The following MAP2 variants were observed in gnomAD, a reference collection of about 807,000 sequenced individuals.
MAP2 encodes the protein microtubule associated protein 2.
MAP2 carries 14 observed loss-of-function variants against 137.6 expected under a neutral mutation model. The observed-to-expected ratio is 0.10, with a 90% CI of 0.07 to 0.16. MAP2 has a LOEUF of 0.16. MAP2 is among the 10% of genes least tolerant of loss of function. The pLI, the probability that MAP2 is intolerant of heterozygous loss-of-function variation, is 1.00. For synonymous variants in MAP2, 786 were observed against 782.3 expected, an observed-to-expected ratio of 1.00 and a Z score of -0.08; for missense variants, 2,088 against 2,191.5, an observed-to-expected ratio of 0.95 and a Z score of 0.94.
intron 4 of MAP2, among the ~76,000 whole-genome samples, chr2:209,642,848 C>G (rs148158051): frequency 0.012 from 1,903 of 152,268 alleles, 33 homozygotes; most frequent in Middle Eastern, 0.051. Flanking sequence ...CTTAGAACTT[C>G]TCAGCATTTA....
chr2:209,440,414 T>G (rs1433200508), intron 1 of MAP2, among the ~76,000 whole-genome samples: 1 of 151,542 alleles, frequency 6.6e-6, no homozygotes, highest in African/African-American at 2.4e-5. Context: ...AAATATCCAA[T>G]TTTTATCTTT....
intron 14 of MAP2, among the ~76,000 whole-genome samples, chr2:209,726,398 T>C (rs1228691948): frequency 6.6e-6 from 1 of 152,230 alleles, no homozygotes; most frequent in African/African-American, 2.4e-5. Flanking sequence ...TTTCTCCCTT[T>C]AAAGTGTGAA....
At chr2:209,687,853 G>A (rs945632738) in intron 7 of MAP2, among the ~76,000 whole-genome samples, 21 of 152,046 alleles carry the variant, frequency 1.4e-4, no homozygotes, top group African/African-American at 3.1e-4. Context: ...TTACAATTCC[G>A]ATGAGGAGTA....
At chr2:209,662,810 T>TA (rs1280532333) in intron 5 of MAP2, among the ~76,000 whole-genome samples, 8 of 151,988 alleles carry the variant, frequency 5.3e-5, no homozygotes, top group Admixed American at 5.2e-4. Flanking sequence ...TGTCCTTTGT[T>TA]ATATTTCGGA....
intron 1 of MAP2, among the ~76,000 whole-genome samples, chr2:209,426,425 C>T (rs918425795): frequency 2.0e-5 from 3 of 151,996 alleles, no homozygotes; most frequent in Non-Finnish European, 4.4e-5. Flanking sequence ...GTCTTCTATA[C>T]TGCCATAGGA....
At chr2:209,650,386 T>C (rs918210990) in intron 4 of MAP2, among the ~76,000 whole-genome samples, 2 of 152,222 alleles carry the variant, frequency 1.3e-5, no homozygotes, top group African/African-American at 4.8e-5. Context: ...ATAGTGTTCC[T>C]ACCCACGTAG....
intron 1 of MAP2, among the ~76,000 whole-genome samples, chr2:209,452,700 C>T (rs1357687520): frequency 6.6e-6 from 1 of 152,184 alleles, no homozygotes. Context: ...TCTTATAATG[C>T]TTCTCTTCCC....
chr2:209,429,383 GT>G (rs56297303), intron 1 of MAP2, among the ~76,000 whole-genome samples: 83,089 of 149,192 alleles, frequency 0.56, 24,428 homozygotes, highest in African/African-American at 0.77. Flanking sequence ...GGTTCAACTA[GT>G]TTTTTTTTTT....
At position 209,484,429 on chromosome 2, in the gene MAP2, C is replaced by T. The variant is rs563786665; in HGVS notation, c.-221-23163C>T. Among the ~76,000 whole-genome samples, 288 of 152,100 alleles carry T rather than the reference C, an allele frequency of 1.9e-3. 1 individual carries two copies. The highest frequency in any genetic ancestry group is 6.7e-3 in the African/African-American group (278 of 41,476). ...TTTGATGGCGAGGCGCAGTGGCTCA[C>T]GCCCGTAATCCCAGCACTTTGGGAG... On this transcript the variant is annotated intron_variant, in intron 1 of 15. Transcript: ENST00000682079.
chr2:209,455,539 G>A (rs1014293229), intron 1 of MAP2, among the ~76,000 whole-genome samples: 12 of 152,088 alleles, frequency 7.9e-5, no homozygotes, highest in African/African-American at 2.9e-4. Flanking sequence ...ATCCTCAAAT[G>A]TTCAAAATAT....
intron 1 of MAP2, among the ~76,000 whole-genome samples, chr2:209,437,490 T>C (rs1204344647): frequency 2.6e-5 from 4 of 151,642 alleles, no homozygotes; most frequent in African/African-American, 9.7e-5. Flanking sequence ...TCATGTGAAA[T>C]TGTACTGTTG....
Position 209,693,995 on chromosome 2 carries a change from A to G in MAP2, c.1825A>G (p.Met609Val), listed in dbSNP as rs773038724. 1.2e-6 allele frequency: 2 copies of G among 1,614,036 alleles called. No individual in the cohort carries two copies. The highest frequency in any genetic ancestry group is 1.7e-6 in the Non-Finnish European group (2 of 1,179,992). Residue 609 changes from methionine (M) to valine (V), a missense_variant, in exon 8 of 16, where the codon ATG becomes GTG. By Grantham distance (21) the Met-to-Val change is conservative (BLOSUM62 1). This residue lies in a region of MAP2 where 859 missense variants were observed against 794.5 expected (regional missense o/e 1.08). Coordinates refer to ENST00000682079, the MANE Select transcript of MAP2 (RefSeq NM_001375505.1). ...AAGTGTCCATGAGTCTATTGATACC[A>G]TGTCTCCCATGCATAAAAATGGTGA... is the stretch of plus-strand genomic sequence containing the variant. ...RESVHESIDT[M>V]SPMHKNGDKE...
chr2:209,577,727 C>T (rs937131405), intron 2 of MAP2, among the ~76,000 whole-genome samples: 7 of 151,942 alleles, frequency 4.6e-5, no homozygotes, highest in African/African-American at 1.7e-4. Flanking sequence ...ATTTGATTAC[C>T]CAGTTTTATG....
chr2:209,444,379 A>C lies in MAP2; in HGVS notation c.-222+20103A>C, dbSNP rs1403699184. Among the ~76,000 whole-genome samples the C allele has an allele frequency of 3.3e-5, 5 of 151,650 alleles. No individual in the cohort carries two copies. The East Asian group carries it at 9.6e-4, about 29-fold the overall frequency. Reference sequence around the variant, plus strand: ...TCATGCCTAAATATTACATAGGTGAACATTTTTGTTGTACTAATTAGTATC... The same window carrying C: ...TCATGCCTAAATATTACATAGGTGACCATTTTTGTTGTACTAATTAGTATC... On this transcript the variant is annotated intron_variant, in intron 1 of 15. Coordinates refer to ENST00000682079, the MANE Select transcript of MAP2 (RefSeq NM_001375505.1).
At chr2:209,678,722 G>T in intron 6 of MAP2, 37 bp downstream of exon 6, 2 of 1,234,140 alleles carry the variant, frequency 1.6e-6, no homozygotes, top group Non-Finnish European at 2.3e-6. Flanking sequence ...GACTGTGTCT[G>T]TTGCACCCTG....
chr2:209,542,015 C>T (rs1336545370), intron 2 of MAP2, among the ~76,000 whole-genome samples: 1 of 152,164 alleles, frequency 6.6e-6, no homozygotes, highest in Admixed American at 6.5e-5. Flanking sequence ...TTGCCCATAT[C>T]CATCAGAGGA....
intron 3 of MAP2, among the ~76,000 whole-genome samples, chr2:209,623,541 A>G (rs1216116272): frequency 6.6e-6 from 1 of 152,162 alleles, no homozygotes; most frequent in Non-Finnish European, 1.5e-5. Flanking sequence ...TCCAGCATTC[A>G]TTTGTTAAGT....
intron 13 of MAP2, among the ~76,000 whole-genome samples, chr2:209,712,994 T>C (rs1219338527): frequency 6.6e-6 from 1 of 152,150 alleles, no homozygotes; most frequent in Non-Finnish European, 1.5e-5. Flanking sequence ...AGCTATACTT[T>C]CTTCACGGGC....
At chr2:209,557,725 A>G (rs2071017966) in intron 2 of MAP2, among the ~76,000 whole-genome samples, 1 of 152,226 alleles carries the variant, frequency 6.6e-6, no homozygotes, top group African/African-American at 2.4e-5. Context: ...AGCTAAAGGT[A>G]ACAGGTTGAA....
Sources: gnomAD v4.1 joint callset for allele counts (sites outside exome capture counted in the v4.1 genomes callset) on GRCh38, gnomAD v4.1.1 for gene constraint, gnomAD v4.1.1 regional missense constraint, MANE v1.5 for transcripts, NCBI Gene and HGNC (gene_info 2026-07-23, HGNC 2026-07-21) for gene names.